Variants in PIK3CG observed in about 807,000 individuals in gnomAD.
The protein encoded by PIK3CG is phosphatidylinositol 4,5-bisphosphate 3-kinase catalytic subunit gamma isoform.
In PIK3CG, 55 loss-of-function variants were observed where a neutral mutation model predicts 102.3. The observed-to-expected ratio is 0.54, with a 90% CI of 0.43 to 0.67. The LOEUF (loss-of-function observed/expected upper bound fraction) is 0.67, where lower values mean the gene tolerates loss of function less well. Among genes scored for constraint, PIK3CG ranks in the 30% least tolerant of loss-of-function variants. The pLI is 0.00. For synonymous variants in PIK3CG, 552 were observed against 540.0 expected (o/e 1.02, Z -0.31); for missense variants, 1,258 against 1,391.8 (o/e 0.90, Z 1.53).
Position 106,880,954 on chromosome 7 carries a change from TCTC to T in PIK3CG, c.2539-1160_2539-1158del, listed in dbSNP as rs1439921635. Among the ~76,000 whole-genome samples, 5 of 152,160 alleles carry T rather than the reference TCTC, an allele frequency of 3.3e-5. No individual in the cohort carries two copies. Among genetic ancestry groups the T allele is most frequent in the African/African-American group, 7.2e-5 (3 of 41,520 alleles). On this transcript the variant is annotated intron_variant, in intron 6 of 10. Transcript: ENST00000496166. The surrounding 1 kb of genome is among the most constrained non-coding windows in gnomAD (Gnocchi z 4.2). ...GCCTCCCACACAACTTTCACAGTCT[TCTC>T]CTTTTCTTTCCCTTCCTCATAAGAA...
At position 106,908,013 on chromosome 7, in the gene PIK3CG, A is replaced by G. The variant is rs1170247741; in HGVS notation, c.*2626A>G. Among the ~76,000 whole-genome samples, 1 of 152,080 alleles carries G rather than the reference A, an allele frequency of 6.6e-6. No homozygotes were observed. The highest frequency in any genetic ancestry group is 1.5e-5 in the Non-Finnish European group (1 of 68,018). On this transcript the variant is annotated 3_prime_UTR_variant, in exon 11 of 11. Coordinates refer to ENST00000496166, the MANE Select transcript of PIK3CG (RefSeq NM_001282426.2). The surrounding 1 kb of genome is among the most constrained non-coding windows in gnomAD (Gnocchi z 4.1). ...TCTATACCTTTGAAAATGTTCTAGA[A>G]CTAGAATCATCCTGCTACTGGGAAC...
chr7:106,884,350 G>T lies in PIK3CG; in HGVS notation c.2872+84G>T, dbSNP rs1399371257. ...TTTACTATTTTAACTCTAATTAACT[G>T]TAAGTGTTCAGTTCAGTGGCATTAC... is the stretch of plus-strand genomic sequence containing the variant. On this transcript the variant is annotated intron_variant, in intron 9 of 10. Coordinates refer to ENST00000496166, the MANE Select transcript of PIK3CG (RefSeq NM_001282426.2). The surrounding 1 kb of genome is among the most constrained non-coding windows in gnomAD (Gnocchi z 4.2). The T allele has an allele frequency of 2.3e-6, 2 of 885,276 alleles. No individual in the cohort carries two copies. Among genetic ancestry groups the T allele is most frequent in the African/African-American group, 3.4e-5 (2 of 59,440 alleles). 54.8% of individuals were successfully genotyped at this position (885,276 alleles called of 1,614,324 possible). A position where few individuals can be genotyped will look rare whatever the true frequency, so the allele number is the denominator to read the frequency against.
In PIK3CG at chr7:106,869,685, G is replaced by A. The variant is rs1395936201; in HGVS notation, c.1995+129G>A. On this transcript the variant is annotated intron_variant, in intron 2 of 10. Coordinates refer to ENST00000496166, the MANE Select transcript of PIK3CG (RefSeq NM_001282426.2). The surrounding 1 kb of genome is among the most constrained non-coding windows in gnomAD (Gnocchi z 5.3). ...CTTCATCATCGGCAAAAGTAGATATGATGAAGCTGCCTCAAAAAGTAGTAA... is the reference window on the plus strand; with the variant it reads ...CTTCATCATCGGCAAAAGTAGATATAATGAAGCTGCCTCAAAAAGTAGTAA... The A allele has an allele frequency of 4.0e-6, 3 of 752,448 alleles. No individual in the cohort carries two copies. Among genetic ancestry groups the A allele is most frequent in the Non-Finnish European group, 6.4e-6 (3 of 469,676 alleles). 46.6% of individuals were successfully genotyped at this position (752,448 alleles called of 1,614,324 possible).
chr7:106,867,923 G>A lies in PIK3CG; in HGVS notation c.362G>A (p.Cys121Tyr), dbSNP rs372102021. 8 of 1,613,152 alleles carry A rather than the reference G, an allele frequency of 5.0e-6. No homozygotes were observed. The highest frequency in any genetic ancestry group is 2.7e-5 in the African/African-American group (2 of 74,940). Residue 121 changes from cysteine (C) to tyrosine (Y), a missense_variant, in exon 2 of 11, where the codon TGC (cysteine) becomes TAC (tyrosine). This residue lies in a region of PIK3CG where 832 missense variants were observed against 787.5 expected (regional missense o/e 1.06). Coordinates refer to ENST00000496166, the MANE Select transcript of PIK3CG (RefSeq NM_001282426.2). This position sits in a 1 kb window ranked among gnomAD's most constrained non-coding sequence, Gnocchi z 5.1. ...DKYQVVQTLDCLRYWKATHRS... is the reference protein window; with the variant it reads ...DKYQVVQTLDYLRYWKATHRS... Reference sequence around the variant, plus strand: ...TACCAGGTGGTGCAGACTCTGGACTGCCTGCGCTACTGGAAGGCCACGCAC... The same window carrying A: ...TACCAGGTGGTGCAGACTCTGGACTACCTGCGCTACTGGAAGGCCACGCAC...
In PIK3CG at chr7:106,879,351, GA is replaced by G. The variant is rs1054729750; in HGVS notation, c.2392-167del. ...AATTCGCTCTCACATGGCATTTCCA[GA>G]TTTGCTCAAAACAACTTCTGTATTT... On this transcript the variant is annotated intron_variant, in intron 5 of 10. Coordinates refer to ENST00000496166, the MANE Select transcript of PIK3CG (RefSeq NM_001282426.2). The surrounding 1 kb of genome is among the most constrained non-coding windows in gnomAD (Gnocchi z 4.9). Among the ~76,000 whole-genome samples the G allele has an allele frequency of 1.3e-5, 2 of 152,146 alleles. No individual in the cohort carries two copies. The highest frequency in any genetic ancestry group is 4.8e-5 in the African/African-American group (2 of 41,430).
At position 106,903,927 on chromosome 7, in the gene PIK3CG, T is replaced by G. The variant is rs1337161021; in HGVS notation, c.3031-1182T>G. Among the ~76,000 whole-genome samples the G allele has an allele frequency of 6.6e-6, 1 of 151,584 alleles. No homozygotes were observed. Among genetic ancestry groups the G allele is most frequent in the Non-Finnish European group, 1.5e-5 (1 of 67,874 alleles). ...ACACATGCCACCACACCCAGCTAAT[T>G]TTTTTGTATTTTTAGTAGAGACGGG... On this transcript the variant is annotated intron_variant, in intron 10 of 10. Transcript: ENST00000496166. This position sits in a 1 kb window ranked among gnomAD's most constrained non-coding sequence, Gnocchi z 4.3.
Position 106,869,409 on chromosome 7 carries a change from CTGGGATCAAAGTGCTTTGGATGT to C in PIK3CG, c.1853_1875del (p.Asp618ValfsTer13). The C allele has an allele frequency of 6.2e-7, 1 of 1,614,192 alleles. No homozygotes were observed. The highest frequency in any genetic ancestry group is 8.5e-7 in the Non-Finnish European group (1 of 1,180,036). ...ACCAATTGTTGGCCAGAAGGGAAGT[CTGGGATCAAAGTGCTTTGGATGT>C]TGGGTTAACAATGCAGCTCCTGGAC... On this transcript the variant is annotated frameshift_variant, in exon 2 of 11. Coordinates refer to ENST00000496166, the MANE Select transcript of PIK3CG (RefSeq NM_001282426.2). LOFTEE classifies it high-confidence loss of function. The surrounding 1 kb of genome is among the most constrained non-coding windows in gnomAD (Gnocchi z 5.3).
rs559463107 is a variant in PIK3CG, at chr7:106,875,909, G to GTTT, written c.2391+1120_2391+1122dup. On this transcript the variant is annotated intron_variant, in intron 5 of 10. Coordinates refer to ENST00000496166, the MANE Select transcript of PIK3CG (RefSeq NM_001282426.2). ...ACTTGTTATCATCAGTTTTTTTTTTGTTTTTTTTTTTTTTTTGAGACGGAG... is the reference window on the plus strand; with the variant it reads ...ACTTGTTATCATCAGTTTTTTTTTTGTTTTTTTTTTTTTTTTTTTGAGACGGAG... 4.7e-3 allele frequency among the ~76,000 whole-genome samples: 575 copies of GTTT among 123,072 alleles called. 9 individuals are homozygous for GTTT. The highest frequency in any genetic ancestry group is 0.014 in the East Asian group (61 of 4,266). The allele number at this position is 123,072 out of a possible 152,430, so 80.7% of individuals were successfully genotyped here.
rs559272328 is a variant in PIK3CG at position 106,893,138 on chromosome 7, C to T, written c.3030+6846C>T. Among the ~76,000 whole-genome samples, 2 of 152,126 alleles carry T rather than the reference C, an allele frequency of 1.3e-5. No individual in the cohort carries two copies. Among genetic ancestry groups the T allele is most frequent in the African/African-American group, 4.8e-5 (2 of 41,484 alleles). On this transcript the variant is annotated intron_variant, in intron 10 of 10. Coordinates refer to ENST00000496166, the MANE Select transcript of PIK3CG (RefSeq NM_001282426.2). The surrounding 1 kb of genome is among the most constrained non-coding windows in gnomAD (Gnocchi z 4.4). The stretch of plus-strand genomic sequence containing the variant: ...TATTATAGGTCAAGCAGGAGATGAC[C>T]AGTTCATCTGTCACCCATAATGTAC...
Position 106,905,189 on chromosome 7 carries a change from A to G in PIK3CG, c.3111A>G (p.Thr1037=), listed in dbSNP as rs2116617904. The change falls in exon 11 of 11, where the codon ACA becomes ACG. Residue 1037 remains threonine (T), a synonymous_variant. Transcript: ENST00000496166. The surrounding 1 kb of genome is among the most constrained non-coding windows in gnomAD (Gnocchi z 5.6). ...TCCTGTTCTCCATGATGCTGATGACAGGAATGCCCCAGTTAACAAGCAAAG... is the reference window on the plus strand; with the variant it reads ...TCCTGTTCTCCATGATGCTGATGACGGGAATGCCCCAGTTAACAAGCAAAG... The part of the protein sequence containing the change: ...LIILFSMMLM[T]GMPQLTSKED... 1 of 1,614,164 alleles carries G rather than the reference A, an allele frequency of 6.2e-7. No individual in the cohort carries two copies. Among genetic ancestry groups the G allele is most frequent in the Non-Finnish European group, 8.5e-7 (1 of 1,179,996 alleles).
Position 106,884,346 on chromosome 7 carries a change from A to T in PIK3CG, c.2872+80A>T, listed in dbSNP as rs1448660884. On this transcript the variant is annotated intron_variant, in intron 9 of 10. Coordinates refer to ENST00000496166, the MANE Select transcript of PIK3CG (RefSeq NM_001282426.2). This position sits in a 1 kb window ranked among gnomAD's most constrained non-coding sequence, Gnocchi z 4.2. ...AACATTTACTATTTTAACTCTAATT[A>T]ACTGTAAGTGTTCAGTTCAGTGGCA... 1.1e-6 allele frequency: 1 copy of T among 913,842 alleles called. No individual in the cohort carries two copies. Among genetic ancestry groups the T allele is most frequent in the Admixed American group, 1.9e-5 (1 of 53,584 alleles). The allele number at this position is 913,842 out of a possible 1,614,324, so 56.6% of individuals were successfully genotyped here.
At chr7:106,887,223 C>T (rs1360579497) in intron 10 of PIK3CG, among the ~76,000 whole-genome samples, 2 of 152,192 alleles carry the variant, frequency 1.3e-5, no homozygotes, top group East Asian at 3.8e-4. Flanking sequence ...TAATTCATAA[C>T]AGTTGTAACT....
At chr7:106,866,868 G>A (rs1790303497) in intron 1 of PIK3CG, among the ~76,000 whole-genome samples, 9 of 152,172 alleles carry the variant, frequency 5.9e-5, no homozygotes, top group South Asian at 2.1e-4. Flanking sequence ...GAAACCAAGA[G>A]GCAGGAAATT....
rs146043170 is a variant in PIK3CG, at chr7:106,884,259, C to G, written c.2865C>G (p.Thr955=). Residue 955 remains threonine, a synonymous_variant, in exon 9 of 11, where the codon ACC becomes ACG. Coordinates refer to ENST00000496166, the MANE Select transcript of PIK3CG (RefSeq NM_001282426.2). The surrounding 1 kb of genome is among the most constrained non-coding windows in gnomAD (Gnocchi z 4.2). Reference sequence around the variant, plus strand: ...GACACAATGACAATATTATGATCACCGAGACAGGTGAGTTTATTTAGTGCA... The same window carrying G: ...GACACAATGACAATATTATGATCACGGAGACAGGTGAGTTTATTTAGTGCA... ...GDRHNDNIMI[T]ETGNLFHIDF... 8.7e-6 allele frequency: 14 copies of G among 1,604,404 alleles called. No individual in the cohort carries two copies. The Admixed American group carries it at 2.2e-4, about 25-fold the overall frequency.
In PIK3CG at chr7:106,908,922, C is replaced by T. The variant is rs1402244852; in HGVS notation, c.*3535C>T. 2.0e-5 allele frequency among the ~76,000 whole-genome samples: 3 copies of T among 152,272 alleles called. No homozygotes were observed. The East Asian group carries it at 5.8e-4, about 29-fold the overall frequency. ...TTTAAGTGTTCTGTTGGCTTATTTTCTGTTTCATCCAACTCAATAATTCTG... is the reference window on the plus strand; with the variant it reads ...TTTAAGTGTTCTGTTGGCTTATTTTTTGTTTCATCCAACTCAATAATTCTG... On this transcript the variant is annotated 3_prime_UTR_variant, in exon 11 of 11. Coordinates refer to ENST00000496166, the MANE Select transcript of PIK3CG (RefSeq NM_001282426.2). This position sits in a 1 kb window ranked among gnomAD's most constrained non-coding sequence, Gnocchi z 4.1.
Position 106,891,376 on chromosome 7 carries a change from T to G in PIK3CG, c.3030+5084T>G, listed in dbSNP as rs1358815979. 6.6e-6 allele frequency among the ~76,000 whole-genome samples: 1 copy of G among 152,250 alleles called. No individual in the cohort carries two copies. The highest frequency in any genetic ancestry group is 1.5e-5 in the Non-Finnish European group (1 of 68,046). On this transcript the variant is annotated intron_variant, in intron 10 of 10. Transcript: ENST00000496166. This position sits in a 1 kb window ranked among gnomAD's most constrained non-coding sequence, Gnocchi z 4.4. ...AGGAACTAAATCCAACTGTGAAATC[T>G]AATGTTTCATTAAATAATACAAATA...
chr7:106,879,444 C>G lies in PIK3CG; in HGVS notation c.2392-75C>G. ...CCTTGTTGTTTATAGTGATGTTTTG[C>G]AAGAGAATTTGTGTCTCCACCATGT... On this transcript the variant is annotated intron_variant, in intron 5 of 10. Coordinates refer to ENST00000496166, the MANE Select transcript of PIK3CG (RefSeq NM_001282426.2). The surrounding 1 kb of genome is among the most constrained non-coding windows in gnomAD (Gnocchi z 4.9). The G allele has an allele frequency of 8.5e-7, 1 of 1,181,402 alleles. No homozygotes were observed. Among genetic ancestry groups the G allele is most frequent in the Non-Finnish European group, 1.3e-6 (1 of 795,444 alleles). The allele number at this position is 1,181,402 out of a possible 1,614,324, so 73.2% of individuals were successfully genotyped here.
chr7:106,876,336 TACA>T (rs2116507889), intron 5 of PIK3CG, among the ~76,000 whole-genome samples: 2 of 152,234 alleles, frequency 1.3e-5, no homozygotes, highest in South Asian at 4.1e-4. Flanking sequence ...TCCATTAGAG[TACA>T]TTCTTCTGAA....
Position 106,874,732 on chromosome 7 carries a change from C to A in PIK3CG, c.2320C>A (p.Leu774Met), listed in dbSNP as rs182430488. Residue 774 changes from leucine to methionine, a missense_variant, in exon 5 of 11, where the codon CTG becomes ATG. Around this residue, in one of 2 missense-constraint regions of PIK3CG, gnomAD observed 426 missense variants for 604.2 expected, o/e 0.71. Coordinates refer to ENST00000496166, the MANE Select transcript of PIK3CG (RefSeq NM_001282426.2). The surrounding 1 kb of genome is among the most constrained non-coding windows in gnomAD (Gnocchi z 4.3). ...ISQLKQKLENLQNSQLPESFR... is the reference protein window; with the variant it reads ...ISQLKQKLENMQNSQLPESFR... ...ACAACTTAAACAAAAGCTTGAAAAC[C>A]TGCAGAATTCTCAACTCCCCGAAAG... The A allele has an allele frequency of 9.3e-6, 15 of 1,613,812 alleles. No homozygotes were observed. In the East Asian group the frequency reaches 3.3e-4, roughly 36 times the overall value.
Sources: allele counts gnomAD v4.1 joint callset (sites outside exome capture counted in the v4.1 genomes callset), GRCh38; gene constraint gnomAD v4.1.1; regional missense constraint gnomAD v4.1.1; non-coding constraint Gnocchi (gnomAD v3.1); transcripts MANE v1.5; gene names NCBI Gene and HGNC (gene_info 2026-07-23, HGNC 2026-07-21).